Variants in C8orf34 observed in about 807,000 individuals in gnomAD.
C8orf34 encodes the protein chromosome 8 open reading frame 34.
A neutral mutation model predicts 68.3 loss-of-function variants in C8orf34; 65 were observed. That is an observed-to-expected ratio of 0.95 (90% CI 0.78 to 1.17). The LOEUF (loss-of-function observed/expected upper bound fraction) is 1.17, where lower values mean the gene tolerates loss of function less well. Among genes scored for constraint, C8orf34 ranks in the 50% most tolerant of loss-of-function variants. The pLI is 0.00. For synonymous variants in C8orf34, 244 were observed against 241.2 expected, an observed-to-expected ratio of 1.01 and a Z score of -0.11; for missense variants, 664 against 655.4, an observed-to-expected ratio of 1.01 and a Z score of -0.14.
intron 8 of C8orf34, among the ~76,000 whole-genome samples, chr8:68,677,882 T>A (rs1440301527): frequency 1.3e-5 from 2 of 151,820 alleles, no homozygotes; most frequent in South Asian, 4.2e-4. Flanking sequence ...ATAAATGAAA[T>A]CAGAGATGAA....
intron 1 of C8orf34, among the ~76,000 whole-genome samples, chr8:68,424,784 C>T (rs1810137381): frequency 6.6e-6 from 1 of 151,960 alleles, no homozygotes; most frequent in Non-Finnish European, 1.5e-5. Context: ...CCTGTAGTCC[C>T]AGCTACTTGG....
intron 7 of C8orf34, among the ~76,000 whole-genome samples, chr8:68,585,449 G>T (rs1005382321): frequency 3.3e-5 from 5 of 152,062 alleles, no homozygotes; most frequent in Non-Finnish European, 7.4e-5. Context: ...GCATATATTT[G>T]GTAAAATATT....
chr8:68,799,482 G>T (rs1040720209), intron 12 of C8orf34, among the ~76,000 whole-genome samples: 1 of 152,092 alleles, frequency 6.6e-6, no homozygotes, highest in Non-Finnish European at 1.5e-5. Context: ...GGTGTTTCAT[G>T]ATTTTCTTTG....
rs569656994 is a variant in C8orf34, at chr8:68,719,741, G to T, written c.1328-1620G>T. ...ACTTTGAAAAAATTAGCAAATCCAT[G>T]AGAAGGTGGATTTTACTGTCCTATA... On this transcript the variant is annotated intron_variant, in intron 9 of 13. Coordinates refer to ENST00000518698, the MANE Select transcript of C8orf34 (RefSeq NM_052958.4). Among the ~76,000 whole-genome samples, 26 of 151,984 alleles carry T rather than the reference G, an allele frequency of 1.7e-4. No homozygotes were observed. In the South Asian group the frequency reaches 5.4e-3, roughly 32 times the overall value.
chr8:68,519,117 A>G (rs1814643560), intron 5 of C8orf34, among the ~76,000 whole-genome samples: 1 of 152,164 alleles, frequency 6.6e-6, no homozygotes, highest in South Asian at 2.1e-4. Flanking sequence ...TAGCTTTCCC[A>G]TTTAATAGAA....
chr8:68,479,644 T>C (rs1016161183), intron 4 of C8orf34, among the ~76,000 whole-genome samples: 37 of 152,178 alleles, frequency 2.4e-4, no homozygotes, highest in Non-Finnish European at 4.9e-4. Flanking sequence ...GAGAACAGCA[T>C]CCATGGCTTT....
chr8:68,520,456 T>A (rs185721869), intron 5 of C8orf34, among the ~76,000 whole-genome samples: 2 of 152,254 alleles, frequency 1.3e-5, no homozygotes, highest in Non-Finnish European at 2.9e-5. Flanking sequence ...TTTTAAATTT[T>A]ATTTTTATTT....
intron 8 of C8orf34, among the ~76,000 whole-genome samples, chr8:68,655,901 C>T (rs1020108199): frequency 6.6e-6 from 1 of 152,158 alleles, no homozygotes. Flanking sequence ...AATATCTAGC[C>T]TTAGGCCCCT....
chr8:68,389,693 C>T (rs1172740677), intron 1 of C8orf34, among the ~76,000 whole-genome samples: 1 of 151,962 alleles, frequency 6.6e-6, no homozygotes, highest in African/African-American at 2.4e-5. Flanking sequence ...CTTCTTCAGC[C>T]AAGAGGTTAC....
At chr8:68,774,108 T>G (rs928876753) in intron 10 of C8orf34, among the ~76,000 whole-genome samples, 3 of 151,988 alleles carry the variant, frequency 2.0e-5, no homozygotes, top group African/African-American at 4.8e-5. Flanking sequence ...GAAAGCACAT[T>G]TGTAACTCTG....
intron 1 of C8orf34, among the ~76,000 whole-genome samples, chr8:68,336,706 AT>A (rs1330684885): frequency 6.6e-6 from 1 of 152,164 alleles, no homozygotes; most frequent in East Asian, 1.9e-4. Flanking sequence ...TAGCATCCAC[AT>A]TTTGGTTTCT....
intron 10 of C8orf34, among the ~76,000 whole-genome samples, chr8:68,724,758 A>C (rs1563631702): frequency 6.6e-6 from 1 of 152,236 alleles, no homozygotes; most frequent in Admixed American, 6.5e-5. Flanking sequence ...GCAGGTATTG[A>C]TTATGACCTC....
intron 9 of C8orf34, among the ~76,000 whole-genome samples, chr8:68,711,736 A>G (rs1233811674): frequency 6.6e-6 from 1 of 152,236 alleles, no homozygotes; most frequent in Non-Finnish European, 1.5e-5. Flanking sequence ...GGAAGAAGAG[A>G]AATCTAAAAG....
chr8:68,446,303 A>C (rs16934632), intron 2 of C8orf34, 26 bp from the exon 3 acceptor site: 145,398 of 1,553,012 alleles, frequency 0.094, 7,527 homozygotes, highest in African/African-American at 0.14. Flanking sequence ...CTTTGTTGCC[A>C]TTTTATATAT....
At chr8:68,382,995 TC>T (rs1808108274) in intron 1 of C8orf34, among the ~76,000 whole-genome samples, 1 of 152,152 alleles carries the variant, frequency 6.6e-6, no homozygotes, top group Admixed American at 6.5e-5. Context: ...ACTCTCATGA[TC>T]AGAAGAGTGC....
intron 5 of C8orf34, among the ~76,000 whole-genome samples, chr8:68,496,725 CA>C (rs1263943262): frequency 1.3e-5 from 2 of 152,198 alleles, no homozygotes; most frequent in Non-Finnish European, 2.9e-5. Context: ...TCTCCCCAGG[CA>C]GACAAATCTG....
chr8:68,714,123 T>C (rs898378981), intron 9 of C8orf34, among the ~76,000 whole-genome samples: 19 of 152,080 alleles, frequency 1.2e-4, no homozygotes, highest in Non-Finnish European at 2.9e-5. Flanking sequence ...GCAAAATTGG[T>C]ATAGAAGGTT....
intron 1 of C8orf34, among the ~76,000 whole-genome samples, chr8:68,424,095 A>G (rs1810103149): frequency 6.6e-6 from 1 of 152,124 alleles, no homozygotes; most frequent in Non-Finnish European, 1.5e-5. Flanking sequence ...AAGAAGACCA[A>G]GGGCCAGAGG....
intron 11 of C8orf34, among the ~76,000 whole-genome samples, chr8:68,779,098 G>A (rs1445683476): frequency 6.6e-6 from 1 of 151,738 alleles, no homozygotes; most frequent in Non-Finnish European, 1.5e-5. Context: ...GATTGCTTGA[G>A]CCCAGGAGTT....
Sources: gnomAD v4.1 joint callset for allele counts (sites outside exome capture counted in the v4.1 genomes callset) on GRCh38, gnomAD v4.1.1 for gene constraint, MANE v1.5 for transcripts, NCBI Gene and HGNC (gene_info 2026-07-23, HGNC 2026-07-21) for gene names.